The following IL31RA variants were observed in gnomAD, a reference collection of about 807,000 sequenced individuals.
The protein encoded by IL31RA is interleukin 31 receptor A.
Under a neutral mutation model 83.7 loss-of-function variants are expected in IL31RA, and 66 were observed. That is an observed-to-expected ratio of 0.79 (90% CI 0.65 to 0.97). The LOEUF (loss-of-function observed/expected upper bound fraction) is 0.97. Ranked by LOEUF, IL31RA falls within the 50% of genes least tolerant of loss-of-function variation. IL31RA has a pLI of 0.00. For synonymous variants in IL31RA, 325 were observed against 329.0 expected (o/e 0.99, Z 0.13); for missense variants, 798 against 919.4 (o/e 0.87, Z 1.71).
At chr5:55,850,711 A>G (rs913522598), upstream of IL31RA, among the ~76,000 whole-genome samples, 1 of 152,134 alleles carries the variant, frequency 6.6e-6, no homozygotes, top group African/African-American at 2.4e-5. Flanking sequence ...CAATCTTATG[A>G]TTTTTGTTTC....
intron 6 of IL31RA, among the ~76,000 whole-genome samples, chr5:55,895,534 T>C (rs1393639071): frequency 6.6e-6 from 1 of 152,216 alleles, no homozygotes; most frequent in Non-Finnish European, 1.5e-5. Context: ...ACTGTGTTGT[T>C]TACTGGAAAA....
intron 2 of IL31RA, 91 bp from the exon 3 acceptor site, chr5:55,868,700 C>A (rs1416369198): frequency 1.2e-6 from 1 of 841,194 alleles, no homozygotes; most frequent in Non-Finnish European, 2.1e-6. Context: ...TTTTGATCAG[C>A]ATATTTTCCA....
chr5:55,901,586 CATTATTATTATTATTATT>C (rs58572654), intron 8 of IL31RA, among the ~76,000 whole-genome samples: 303 of 144,904 alleles, frequency 2.1e-3, no homozygotes, highest in African/African-American at 7.0e-3. Context: ...TTACTATTGT[CATTATTATTATTATTATT>C]ATTATTATTA....
chr5:55,851,608 G>A lies in IL31RA; in HGVS notation c.38G>A (p.Cys13Tyr), dbSNP rs769110437. ...CAACTCAAGTTTTTCACCACGGCAT[G>A]TGTCTGTGAATGTCCGCAAAACATT... ...IRQLKFFTTA[C>Y]VCECPQNILS... The change falls in exon 1 of 15, where the codon TGT becomes TAT. Residue 13 changes from cysteine (C) to tyrosine (Y), a missense_variant. Cys to Tyr is a radical substitution (Grantham distance 194). Coordinates refer to ENST00000652347, the MANE Select transcript of IL31RA (RefSeq NM_139017.7). 1.2e-6 allele frequency: 2 copies of A among 1,613,968 alleles called. No homozygotes were observed. Among genetic ancestry groups the A allele is most frequent in the East Asian group, 4.5e-5 (2 of 44,882 alleles).
intron 1 of IL31RA, chr5:55,853,340 A>G (rs145898518): frequency 7.8e-6 from 10 of 1,287,566 alleles, no homozygotes; most frequent in East Asian, 2.9e-5. Flanking sequence ...AATGCAATCC[A>G]TTTCCCAGCA....
chr5:55,914,824 C>A (rs377636455), intron 13 of IL31RA, 23 bp from the exon 14 acceptor site: 1 of 1,561,102 alleles, frequency 6.4e-7, no homozygotes, highest in Non-Finnish European at 8.8e-7. Flanking sequence ...CAATTCCCAT[C>A]TTAAAATCTT....
At chr5:55,887,846 G>A (rs1436305573) in intron 5 of IL31RA, among the ~76,000 whole-genome samples, 2 of 151,064 alleles carry the variant, frequency 1.3e-5, no homozygotes, top group Admixed American at 6.6e-5. Context: ...GATCGCCACC[G>A]TACTCCAGCC....
chr5:55,853,570 G>C (rs181973862), intron 1 of IL31RA: 1 of 1,550,942 alleles, frequency 6.4e-7, no homozygotes, highest in East Asian at 2.4e-5. Context: ...ACATGAAGGT[G>C]AGTGCTAATT....
chr5:55,844,013 A>C, the IL31RA span, among the ~76,000 whole-genome samples: 1 of 151,986 alleles, frequency 6.6e-6, no homozygotes, highest in Admixed American at 6.6e-5. Flanking sequence ...ATTTATTTGT[A>C]ATTTCAACTT....
At chr5:55,884,239 A>C (rs1747441590) in intron 5 of IL31RA, among the ~76,000 whole-genome samples, 1 of 151,924 alleles carries the variant, frequency 6.6e-6, no homozygotes, top group African/African-American at 2.4e-5. Context: ...ATGACGTTTC[A>C]CTCTCTTAAT....
rs543457433 is a variant in IL31RA, at chr5:55,871,940, G to C, written c.273-330G>C. Among the ~76,000 whole-genome samples, 93 of 152,044 alleles carry C rather than the reference G, an allele frequency of 6.1e-4. 1 individual carries two copies. The highest frequency in any genetic ancestry group is 2.7e-3 in the Admixed American group (42 of 15,280). On this transcript the variant is annotated intron_variant, in intron 3 of 14. Coordinates refer to ENST00000652347, the MANE Select transcript of IL31RA (RefSeq NM_139017.7). ...TAAATTTTTAAGGCTAGAATCTGGA[G>C]TTTTCAGGGACCTACTCATGATTTC... is the stretch of plus-strand genomic sequence containing the variant.
chr5:55,918,596 C>T lies in IL31RA; in HGVS notation c.*1476C>T, dbSNP rs1291464072. ...AGCGTGCATGGGGCAGAGTTGGTCA[C>T]TCAGTGGCATCCTCTGGGTCATGTA... is the stretch of plus-strand genomic sequence containing the variant. On this transcript the variant is annotated 3_prime_UTR_variant, in exon 15 of 15. Transcript: ENST00000652347. 6.6e-6 allele frequency among the ~76,000 whole-genome samples: 1 copy of T among 152,150 alleles called. No individual in the cohort carries two copies. Among genetic ancestry groups the T allele is most frequent in the Non-Finnish European group, 1.5e-5 (1 of 68,026 alleles).
intron 7 of IL31RA, among the ~76,000 whole-genome samples, chr5:55,896,763 C>G (rs1456125216): frequency 1.8e-5 from 1 of 54,268 alleles, no homozygotes; most frequent in Non-Finnish European, 3.6e-5. Context: ...GCCTTGCCTT[C>G]CCTTCCCTTC....
intron 4 of IL31RA, 41 bp from the exon 5 acceptor site, chr5:55,883,003 T>C: frequency 6.2e-7 from 1 of 1,603,278 alleles, no homozygotes; most frequent in Non-Finnish European, 8.5e-7. Flanking sequence ...CAAATTCTTA[T>C]CTTTTTGCAG....
chr5:55,919,188 C>T lies in IL31RA; in HGVS notation c.*2068C>T, dbSNP rs1749969516. On this transcript the variant is annotated 3_prime_UTR_variant, in exon 15 of 15. Coordinates refer to ENST00000652347, the MANE Select transcript of IL31RA (RefSeq NM_139017.7). ...GGATGGGGGAGGGCACGGGTACCCC[C>T]ACAGCTGTTCTTTCAACCCTCCTGC... is the stretch of plus-strand genomic sequence containing the variant. Among the ~76,000 whole-genome samples the T allele has an allele frequency of 2.0e-5, 3 of 152,184 alleles. No individual in the cohort carries two copies. The South Asian group carries it at 6.2e-4, about 32-fold the overall frequency.
chr5:55,922,059 G>C lies in IL31RA; in HGVS notation c.*4939G>C, dbSNP rs1048474613. On this transcript the variant is annotated 3_prime_UTR_variant, in exon 15 of 15. Coordinates refer to ENST00000652347, the MANE Select transcript of IL31RA (RefSeq NM_139017.7). ...CTTGCACTCTTATGTTGTGGCGGGG[G>C]GGGGGGGCGGTTCCTGAAGAGTGGA... 4.3e-4 allele frequency among the ~76,000 whole-genome samples: 63 copies of C among 147,174 alleles called. No homozygotes were observed. The East Asian group carries it at 0.011, about 26-fold the overall frequency.
At chr5:55,893,942 GCTGGGA>G (rs1422281340) in intron 6 of IL31RA, among the ~76,000 whole-genome samples, 1 of 151,364 alleles carries the variant, frequency 6.6e-6, no homozygotes, top group African/African-American at 2.4e-5. Context: ...CTCCCGAATA[GCTGGGA>G]CTACAGGTGT....
intron 2 of IL31RA, among the ~76,000 whole-genome samples, chr5:55,860,903 G>A (rs986488284): frequency 7.9e-5 from 12 of 152,158 alleles, no homozygotes; most frequent in Non-Finnish European, 4.4e-5. Flanking sequence ...CAAGGTGGCA[G>A]CAGGGCTGGT....
rs1252332842 is a variant in IL31RA, at chr5:55,917,737, C to A, written c.*617C>A. ...TAGCAACACCGCACCTGAGAATCCTCACCCCCAATTTAGACTGCATTGACT... is the reference window on the plus strand; with the variant it reads ...TAGCAACACCGCACCTGAGAATCCTAACCCCCAATTTAGACTGCATTGACT... On this transcript the variant is annotated 3_prime_UTR_variant, in exon 15 of 15. Transcript: ENST00000652347. 6.6e-6 allele frequency among the ~76,000 whole-genome samples: 1 copy of A among 152,008 alleles called. No homozygotes were observed. Among genetic ancestry groups the A allele is most frequent in the Non-Finnish European group, 1.5e-5 (1 of 68,038 alleles).
Sources: gnomAD v4.1 joint callset for allele counts (sites outside exome capture counted in the v4.1 genomes callset) on GRCh38, gnomAD v4.1.1 for gene constraint, MANE v1.5 for transcripts, NCBI Gene and HGNC (gene_info 2026-07-23, HGNC 2026-07-21) for gene names.